SND1: variants seen among roughly 807,000 people sequenced by gnomAD.
SND1 encodes staphylococcal nuclease domain-containing protein 1.
A neutral mutation model predicts 121.7 loss-of-function variants in SND1; 38 were observed. That is an observed-to-expected ratio of 0.31 (90% CI 0.24 to 0.41). SND1 has a LOEUF of 0.41. Ranked by LOEUF, SND1 falls within the 10% of genes least tolerant of loss-of-function variation. The probability of loss-of-function intolerance (pLI) is 1.00; values close to 1 mark genes in which losing one functional copy is unlikely to be tolerated. For synonymous variants in SND1, 401 were observed against 447.4 expected (o/e 0.90, Z 1.31); for missense variants, 868 against 1,184.6 (o/e 0.73, Z 3.92).
intron 15 of SND1, among the ~76,000 whole-genome samples, chr7:127,977,473 T>A (rs1802147644): frequency 6.6e-6 from 1 of 152,076 alleles, no homozygotes. Flanking sequence ...TGTCAGATTG[T>A]GGAGTTCTGA....
At chr7:127,871,036 C>G (rs1457822039) in intron 12 of SND1, among the ~76,000 whole-genome samples, 1 of 150,864 alleles carries the variant, frequency 6.6e-6, no homozygotes, top group Non-Finnish European at 1.5e-5. Flanking sequence ...AAAAGTAAGA[C>G]ACAAACATAC....
At chr7:127,859,754 C>A (rs1224171315) in intron 12 of SND1, among the ~76,000 whole-genome samples, 1 of 152,026 alleles carries the variant, frequency 6.6e-6, no homozygotes, top group Non-Finnish European at 1.5e-5. Flanking sequence ...CCTAGAGGTT[C>A]TTGTTTTATT....
intron 10 of SND1, among the ~76,000 whole-genome samples, chr7:127,763,218 T>C (rs1797337074): frequency 6.6e-6 from 1 of 152,232 alleles, no homozygotes; most frequent in African/African-American, 2.4e-5. Flanking sequence ...AGGCTGGACA[T>C]GTTGGTGCAC....
At chr7:127,709,548 G>T (rs1796263138) in intron 9 of SND1, among the ~76,000 whole-genome samples, 1 of 152,198 alleles carries the variant, frequency 6.6e-6, no homozygotes, top group Non-Finnish European at 1.5e-5. Flanking sequence ...AAAGGATTTA[G>T]ATTATTGAGC....
At chr7:127,966,442 CAT>C (rs1288471609) in intron 15 of SND1, among the ~76,000 whole-genome samples, 3 of 125,756 alleles carry the variant, frequency 2.4e-5, no homozygotes, top group African/African-American at 3.4e-5. Context: ...AAATTGACCA[CAT>C]AGTTGGAAGT....
chr7:127,701,082 C>A, intron 4 of SND1, 81 bp from the exon 5 acceptor site: 1 of 1,477,334 alleles, frequency 6.8e-7, no homozygotes, highest in Non-Finnish European at 9.3e-7. Context: ...GGTGAAGATG[C>A]TGAAGAAAAC....
At chr7:127,747,690 C>T (rs1219922450) in intron 10 of SND1, among the ~76,000 whole-genome samples, 1 of 152,200 alleles carries the variant, frequency 6.6e-6, no homozygotes, top group Non-Finnish European at 1.5e-5. Flanking sequence ...TATAGGCCCA[C>T]AGCATGGTAT....
chr7:127,862,818 T>G (rs1799404225), intron 12 of SND1, among the ~76,000 whole-genome samples: 2 of 152,206 alleles, frequency 1.3e-5, no homozygotes, highest in African/African-American at 4.8e-5. Flanking sequence ...CTTTATCAGC[T>G]CAGGGTGACC....
intron 16 of SND1, chr7:128,030,702 C>A: frequency 1.3e-6 from 2 of 1,512,330 alleles, no homozygotes; most frequent in Non-Finnish European, 1.8e-6. Context: ...AGAACCAGCC[C>A]TACCCCGGCT....
At chr7:127,691,338 C>T (rs1490183335) in intron 2 of SND1, among the ~76,000 whole-genome samples, 5 of 151,960 alleles carry the variant, frequency 3.3e-5, no homozygotes, top group Admixed American at 6.5e-5. Context: ...GTCAGGAGTT[C>T]GAGACCAGCC....
At chr7:127,929,374 C>T in intron 15 of SND1, 45 bp downstream of exon 15, 1 of 1,600,510 alleles carries the variant, frequency 6.2e-7, no homozygotes, top group Non-Finnish European at 8.6e-7. Context: ...AGAAGTCATC[C>T]CTGGAAACCA....
chr7:127,678,198 A>G (rs1795647507), intron 1 of SND1, among the ~76,000 whole-genome samples: 1 of 152,040 alleles, frequency 6.6e-6, no homozygotes, highest in African/African-American at 2.4e-5. Flanking sequence ...GGAAACTTCA[A>G]CCCCAATCCT....
At chr7:128,091,780 C>T (rs773412864) in intron 22 of SND1, 57 bp from the exon 23 acceptor site, 13 of 1,583,986 alleles carry the variant, frequency 8.2e-6, no homozygotes, top group Non-Finnish European at 1.1e-5. Flanking sequence ...CAGGGTCCTG[C>T]TGGCTGATCA....
chr7:128,084,072 G>T (rs117656364), intron 18 of SND1, among the ~76,000 whole-genome samples: 1 of 152,234 alleles, frequency 6.6e-6, no homozygotes, highest in East Asian at 1.9e-4. Context: ...AGCAGCACTG[G>T]AAGTCCTGTT....
chr7:127,769,065 T>G (rs1443869518), intron 10 of SND1, among the ~76,000 whole-genome samples: 2 of 152,064 alleles, frequency 1.3e-5, no homozygotes, highest in African/African-American at 4.8e-5. Flanking sequence ...ATCTCTGGAG[T>G]TTATAAATGA....
chr7:128,029,018 G>A lies in SND1; in HGVS notation c.1779+37962G>A, dbSNP rs113169990. Reference sequence around the variant, plus strand: ...GTTTATAGAAGACAATCAACATGGCGGCAGCTAGCAGAGTCACTGCCACAA... The same window carrying A: ...GTTTATAGAAGACAATCAACATGGCAGCAGCTAGCAGAGTCACTGCCACAA... On this transcript the variant is annotated intron_variant, in intron 16 of 23. Transcript: ENST00000354725. This position sits in a 1 kb window ranked among gnomAD's most constrained non-coding sequence, Gnocchi z 4.2. The A allele has an allele frequency of 8.9e-5, 143 of 1,613,706 alleles. No homozygotes were observed. The highest frequency in any genetic ancestry group is 3.3e-5 in the South Asian group (3 of 91,026).
intron 9 of SND1, among the ~76,000 whole-genome samples, chr7:127,714,446 A>C (rs2116371156): frequency 6.6e-6 from 1 of 152,292 alleles, no homozygotes; most frequent in East Asian, 1.9e-4. Context: ...GTTCATTATC[A>C]TGTCTCTGAG....
intron 14 of SND1, among the ~76,000 whole-genome samples, chr7:127,916,628 G>A (rs1350401231): frequency 6.6e-6 from 1 of 152,134 alleles, no homozygotes; most frequent in East Asian, 1.9e-4. Flanking sequence ...ACTTTAAAAC[G>A]TTGCCGCCCA....
chr7:128,029,537 C>G lies in SND1; in HGVS notation c.1779+38481C>G, dbSNP rs1792514194. ...GAGTCCGACACTTAAGTTCTGCCAT[C>G]CGACCCTCAGAAATGTTGAGGTCTC... On this transcript the variant is annotated intron_variant, in intron 16 of 23. Transcript: ENST00000354725. The surrounding 1 kb of genome is among the most constrained non-coding windows in gnomAD (Gnocchi z 4.2). The G allele has an allele frequency of 1.9e-6, 3 of 1,614,072 alleles. No homozygotes were observed. The highest frequency in any genetic ancestry group is 1.7e-6 in the Non-Finnish European group (2 of 1,180,024).
Sources: allele counts gnomAD v4.1 joint callset (sites outside exome capture counted in the v4.1 genomes callset), GRCh38; gene constraint gnomAD v4.1.1; non-coding constraint Gnocchi (gnomAD v3.1); transcripts MANE v1.5; gene names NCBI Gene and HGNC (gene_info 2026-07-23, HGNC 2026-07-21).